The following RSRC1 variants were observed in gnomAD, a reference collection of about 807,000 sequenced individuals.
The protein encoded by RSRC1 is serine/Arginine-related protein 53.
A neutral mutation model predicts 49.1 loss-of-function variants in RSRC1; 39 were observed. The observed-to-expected ratio is 0.79, with a 90% confidence interval of 0.61 to 1.04. The LOEUF is 1.04. RSRC1 is among the 50% of genes least tolerant of loss of function. RSRC1 has a pLI of 0.00. For missense variants in RSRC1, 388 were observed against 402.4 expected (o/e 0.96, Z 0.31); for synonymous variants, 143 against 130.8 (o/e 1.09, Z -0.63).
At chr3:158,379,814 G>GCACACACACACACACACACACACA (rs140953408) in intron 6 of RSRC1, among the ~76,000 whole-genome samples, 1 of 146,928 alleles carries the variant, frequency 6.8e-6, no homozygotes, top group Non-Finnish European at 1.5e-5. Context: ...ACACGCGCAT[G>GCACACACACACACACACACACACA]CACACACACA....
chr3:158,301,873 G>A (rs184450938), intron 5 of RSRC1, among the ~76,000 whole-genome samples: 2 of 152,192 alleles, frequency 1.3e-5, no homozygotes, highest in Non-Finnish European at 1.5e-5. Context: ...TATTCTCAGA[G>A]AGATGTGTCA....
intron 5 of RSRC1, among the ~76,000 whole-genome samples, chr3:158,315,283 G>A: frequency 6.6e-6 from 1 of 152,034 alleles, no homozygotes; most frequent in East Asian, 1.9e-4. Context: ...TATGAGATAG[G>A]CTTAATAAAA....
At chr3:158,271,758 T>A (rs1004676985) in intron 4 of RSRC1, among the ~76,000 whole-genome samples, 1 of 152,078 alleles carries the variant, frequency 6.6e-6, no homozygotes, top group African/African-American at 2.4e-5. Flanking sequence ...AGGAATAATT[T>A]GGAAAGGTAT....
At chr3:158,423,334 A>T (rs1735189950) in intron 6 of RSRC1, among the ~76,000 whole-genome samples, 1 of 152,090 alleles carries the variant, frequency 6.6e-6, no homozygotes, top group Non-Finnish European at 1.5e-5. Context: ...TAAATAGGGA[A>T]TCCTTTCCCC....
intron 7 of RSRC1, among the ~76,000 whole-genome samples, chr3:158,480,647 C>A (rs1738572882): frequency 6.6e-6 from 1 of 151,902 alleles, no homozygotes; most frequent in South Asian, 2.1e-4. Context: ...GTTATATGAA[C>A]TTGTCTATAA....
intron 7 of RSRC1, among the ~76,000 whole-genome samples, chr3:158,466,150 G>T (rs1298163972): frequency 6.6e-6 from 1 of 152,002 alleles, no homozygotes; most frequent in African/African-American, 2.4e-5. Flanking sequence ...CAGTAAATGT[G>T]TGTTAATTCA....
chr3:158,285,250 T>C (rs2108086226), intron 4 of RSRC1, among the ~76,000 whole-genome samples: 1 of 152,354 alleles, frequency 6.6e-6, no homozygotes, highest in Non-Finnish European at 1.5e-5. Flanking sequence ...TCCATTGATC[T>C]ATATCTCTGT....
At chr3:158,463,061 TTTA>T (rs1156610356) in intron 7 of RSRC1, among the ~76,000 whole-genome samples, 1 of 152,044 alleles carries the variant, frequency 6.6e-6, no homozygotes, top group Non-Finnish European at 1.5e-5. Flanking sequence ...CCAATTTCCC[TTTA>T]TTCTTTTAAA....
chr3:158,519,603 G>A (rs1253137637), intron 7 of RSRC1, among the ~76,000 whole-genome samples: 3 of 152,086 alleles, frequency 2.0e-5, no homozygotes, highest in Non-Finnish European at 1.5e-5. Context: ...TAGAGATTTG[G>A]TTAAAGAGTT....
At chr3:158,509,513 A>G (rs1474321487) in intron 7 of RSRC1, among the ~76,000 whole-genome samples, 1 of 152,152 alleles carries the variant, frequency 6.6e-6, no homozygotes, top group Admixed American at 6.6e-5. Flanking sequence ...TACTTTTAGA[A>G]ATGTTATATT....
chr3:158,155,325 G>T (rs1393588484), intron 3 of RSRC1, among the ~76,000 whole-genome samples: 2 of 152,024 alleles, frequency 1.3e-5, no homozygotes, highest in Non-Finnish European at 1.5e-5. Flanking sequence ...CTTGATTCAG[G>T]GACTACAGAA....
intron 4 of RSRC1, among the ~76,000 whole-genome samples, chr3:158,229,393 T>TAC (rs1559952799): frequency 1.1e-4 from 13 of 119,908 alleles, no homozygotes; most frequent in African/African-American, 3.5e-4. Flanking sequence ...TGTGTATATA[T>TAC]ATACACATAC....
intron 4 of RSRC1, among the ~76,000 whole-genome samples, chr3:158,256,651 G>C (rs1467237441): frequency 4.6e-5 from 7 of 152,122 alleles, no homozygotes; most frequent in Admixed American, 4.6e-4. Flanking sequence ...AATGGTACCA[G>C]CTACTCTTTG....
intron 3 of RSRC1, among the ~76,000 whole-genome samples, chr3:158,188,534 A>G (rs541371541): frequency 3.9e-5 from 6 of 152,066 alleles, no homozygotes; most frequent in African/African-American, 1.4e-4. Context: ...ACTGAGGCAC[A>G]CCTAAGGTTC....
intron 4 of RSRC1, among the ~76,000 whole-genome samples, chr3:158,263,086 C>T (rs1411676566): frequency 6.6e-6 from 1 of 152,098 alleles, no homozygotes; most frequent in African/African-American, 2.4e-5. Context: ...AAGCAGTAAG[C>T]ATGCCTATCT....
intron 3 of RSRC1, among the ~76,000 whole-genome samples, chr3:158,142,283 G>A (rs1442232436): frequency 1.3e-5 from 2 of 151,862 alleles, no homozygotes; most frequent in Non-Finnish European, 2.9e-5. Flanking sequence ...TGTTAGTATT[G>A]ACATTTCTCA....
chr3:158,126,335 A>G (rs1401771300), intron 3 of RSRC1, among the ~76,000 whole-genome samples: 3 of 150,818 alleles, frequency 2.0e-5, no homozygotes, highest in Non-Finnish European at 4.4e-5. Context: ...TGATTTTTGT[A>G]TTGACATGCT....
intron 3 of RSRC1, among the ~76,000 whole-genome samples, chr3:158,182,980 A>C (rs1032455400): frequency 1.3e-5 from 2 of 151,984 alleles, no homozygotes; most frequent in African/African-American, 4.8e-5. Context: ...ATTTTATTTT[A>C]TTTTTTCCAA....
chr3:158,322,792 C>T (rs1292039011), intron 5 of RSRC1, among the ~76,000 whole-genome samples: 1 of 151,798 alleles, frequency 6.6e-6, no homozygotes, highest in African/African-American at 2.4e-5. Flanking sequence ...TGTTCATTTT[C>T]CTTCAATGTT....
Sources: gnomAD v4.1 joint callset for allele counts (sites outside exome capture counted in the v4.1 genomes callset) on GRCh38, gnomAD v4.1.1 for gene constraint, MANE v1.5 for transcripts, NCBI Gene and HGNC (gene_info 2026-07-23, HGNC 2026-07-21) for gene names.